Variants in UBAP1 observed in about 807,000 individuals in gnomAD.
UBAP1 encodes ubiquitin-associated protein 1.
UBAP1 carries 5 observed loss-of-function variants against 39.0 expected under a neutral mutation model. The ratio of observed to expected loss-of-function variants is 0.13; its 90% CI spans 0.07 to 0.27. UBAP1 has a LOEUF of 0.27. Among genes scored for constraint, UBAP1 ranks in the 10% least tolerant of loss-of-function variants. The probability of loss-of-function intolerance (pLI) is 1.00; values close to 1 mark genes in which losing one functional copy is unlikely to be tolerated. For missense variants in UBAP1, 490 were observed against 608.1 expected (o/e 0.81, Z 2.04); for synonymous variants, 211 against 225.1 (o/e 0.94, Z 0.56).
intron 4 of UBAP1, among the ~76,000 whole-genome samples, chr9:34,245,767 G>T (rs1834147654): frequency 8.5e-6 from 1 of 117,414 alleles, no homozygotes; most frequent in African/African-American, 3.4e-5. Context: ...CCCTCTTAGG[G>T]ATCCTAATGG....
At chr9:34,209,139 T>C (rs986718598) in intron 1 of UBAP1, among the ~76,000 whole-genome samples, 2 of 152,114 alleles carry the variant, frequency 1.3e-5, no homozygotes, top group African/African-American at 4.8e-5. Flanking sequence ...AGTTTCACCA[T>C]GTTGGCCAGG....
intron 1 of UBAP1, among the ~76,000 whole-genome samples, chr9:34,182,987 C>A (rs1363893900): frequency 6.6e-6 from 1 of 151,850 alleles, no homozygotes; most frequent in East Asian, 2.0e-4. Flanking sequence ...ACCGTGTTAG[C>A]CAGGATGGTC....
At chr9:34,246,643 G>GTGGGACCACAGGTGT (rs2131629639) in intron 4 of UBAP1, among the ~76,000 whole-genome samples, 1 of 152,318 alleles carries the variant, frequency 6.6e-6, no homozygotes, top group Admixed American at 6.5e-5. Context: ...ACCACAGGTG[G>GTGGGACCACAGGTGT]CAGTGTGTCC....
At chr9:34,235,307 ATGTGTGTGTG>A (rs10535791) in intron 3 of UBAP1, among the ~76,000 whole-genome samples, 29 of 140,478 alleles carry the variant, frequency 2.1e-4, no homozygotes, top group African/African-American at 6.5e-4. Flanking sequence ...GTATATATAT[ATGTGTGTGTG>A]TGTGTGTGTG....
Position 34,251,376 on chromosome 9 carries a change from C to T in UBAP1, c.1369-16C>T. On this transcript the variant is annotated splice_polypyrimidine_tract_variant and intron_variant, in intron 6 of 6. Coordinates refer to ENST00000297661, the MANE Select transcript of UBAP1 (RefSeq NM_016525.5). ...CCCACCCTTTTCTTTAATCTGTGTTCTCTTCTCTCCCTTAGATGATGGAGT... is the reference window on the plus strand; with the variant it reads ...CCCACCCTTTTCTTTAATCTGTGTTTTCTTCTCTCCCTTAGATGATGGAGT... 2 of 1,613,582 alleles carry T rather than the reference C, an allele frequency of 1.2e-6. No homozygotes were observed. Among genetic ancestry groups the T allele is most frequent in the Non-Finnish European group, 8.5e-7 (1 of 1,179,720 alleles).
At chr9:34,187,195 A>C (rs780063518) in intron 1 of UBAP1, among the ~76,000 whole-genome samples, 1 of 152,232 alleles carries the variant, frequency 6.6e-6, no homozygotes, top group African/African-American at 2.4e-5. Flanking sequence ...GGCGTGAGCC[A>C]CTGCGCCCGG....
At chr9:34,233,323 G>A (rs1833527459) in intron 2 of UBAP1, among the ~76,000 whole-genome samples, 1 of 151,458 alleles carries the variant, frequency 6.6e-6, no homozygotes, top group South Asian at 2.1e-4. Context: ...CTGGGTTCAA[G>A]CGATTCTCCT....
rs186136561 is a variant in UBAP1 at position 34,235,394 on chromosome 9, A to T, written c.159+1054A>T. Among the ~76,000 whole-genome samples, 41 of 152,100 alleles carry T rather than the reference A, an allele frequency of 2.7e-4. 1 individual carries two copies. The East Asian group carries it at 7.9e-3, about 29-fold the overall frequency. ...CACTCTGTCGCCCAGGCTGGAGTGCAGCGGTGCAATCTTGGCTCACTGCAA... is the reference window on the plus strand; with the variant it reads ...CACTCTGTCGCCCAGGCTGGAGTGCTGCGGTGCAATCTTGGCTCACTGCAA... On this transcript the variant is annotated intron_variant, in intron 3 of 6. Transcript: ENST00000297661.
intron 4 of UBAP1, among the ~76,000 whole-genome samples, chr9:34,246,479 C>T (rs564785936): frequency 8.8e-4 from 134 of 152,316 alleles, no homozygotes; most frequent in African/African-American, 3.0e-3. Context: ...TCAATTTATT[C>T]CACAACTGTT....
intron 4 of UBAP1, among the ~76,000 whole-genome samples, chr9:34,245,661 T>C (rs889201928): frequency 4.0e-5 from 2 of 49,624 alleles, no homozygotes; most frequent in Non-Finnish European, 8.2e-5. Flanking sequence ...TGGGGATGAA[T>C]GGGGACTGTT....
At chr9:34,251,247 G>A in intron 6 of UBAP1, 145 bp from the exon 7 acceptor site, 1 of 843,734 alleles carries the variant, frequency 1.2e-6, no homozygotes, top group Non-Finnish European at 1.8e-6. Flanking sequence ...CTTGCTAGGG[G>A]ACCTTATGGA....
At chr9:34,179,353 G>T (rs1443042800) in intron 1 of UBAP1, 113 bp downstream of exon 1, 2 of 803,030 alleles carry the variant, frequency 2.5e-6, no homozygotes, top group East Asian at 6.7e-5. Flanking sequence ...GAAGGGCGCC[G>T]GAGCTAGGAG....
At chr9:34,213,547 C>T (rs1487911391) in intron 1 of UBAP1, among the ~76,000 whole-genome samples, 1 of 151,928 alleles carries the variant, frequency 6.6e-6, no homozygotes, top group Non-Finnish European at 1.5e-5. Context: ...ATCTATGACA[C>T]ACCTACAGCC....
chr9:34,198,959 C>G (rs1200760561), intron 1 of UBAP1, among the ~76,000 whole-genome samples: 1 of 152,198 alleles, frequency 6.6e-6, no homozygotes, highest in Non-Finnish European at 1.5e-5. Context: ...GCCCTAGGCT[C>G]TGGAATTTTC....
intron 1 of UBAP1, among the ~76,000 whole-genome samples, chr9:34,186,553 T>C (rs186762501): frequency 3.8e-4 from 57 of 151,964 alleles, no homozygotes; most frequent in Non-Finnish European, 7.7e-4. Flanking sequence ...TTAAATTAAT[T>C]TTTTTTTTCT....
chr9:34,200,786 G>A (rs576798943), intron 1 of UBAP1, among the ~76,000 whole-genome samples: 100 of 152,124 alleles, frequency 6.6e-4, no homozygotes, highest in Non-Finnish European at 1.1e-3. Flanking sequence ...CTGTTCTCCC[G>A]AATTTTGGGT....
At chr9:34,195,929 T>TG (rs1831019267) in intron 1 of UBAP1, among the ~76,000 whole-genome samples, 2 of 24,788 alleles carry the variant, frequency 8.1e-5, no homozygotes, top group Non-Finnish European at 2.1e-4. Context: ...ATTTTTTGGT[T>TG]TTTTTTTTTT....
intron 1 of UBAP1, among the ~76,000 whole-genome samples, chr9:34,205,072 A>C (rs1831609730): frequency 6.6e-6 from 1 of 152,084 alleles, no homozygotes; most frequent in African/African-American, 2.4e-5. Flanking sequence ...GCTGGAGTGC[A>C]GTGGCGCCAT....
In UBAP1 at chr9:34,249,775, C is replaced by T. The variant is rs368422558; in HGVS notation, c.1084-4C>T. 4.1e-5 allele frequency: 66 copies of T among 1,612,994 alleles called. No individual in the cohort carries two copies. Among genetic ancestry groups the T allele is most frequent in the Non-Finnish European group, 5.3e-5 (62 of 1,179,178 alleles). ...TTGCCTTAATCTTCTTGTTTTTCCA[C>T]TAGGTCACCCCTCCTAATTTCTCAG... is the stretch of plus-strand genomic sequence containing the variant. On this transcript the variant is annotated splice_region_variant and splice_polypyrimidine_tract_variant and intron_variant, in intron 4 of 6. Coordinates refer to ENST00000297661, the MANE Select transcript of UBAP1 (RefSeq NM_016525.5).
Sources: gnomAD v4.1 joint callset for allele counts (sites outside exome capture counted in the v4.1 genomes callset) on GRCh38, gnomAD v4.1.1 for gene constraint, MANE v1.5 for transcripts, NCBI Gene and HGNC (gene_info 2026-07-23, HGNC 2026-07-21) for gene names.